Variants in PRIM2 observed in about 807,000 individuals in gnomAD.
The protein encoded by PRIM2 is DNA primase subunit 2.
PRIM2 carries 39 observed loss-of-function variants against 67.3 expected under a neutral mutation model. The observed-to-expected ratio is 0.58, with a 90% CI of 0.45 to 0.76. PRIM2 has a LOEUF of 0.76. Among genes scored for constraint, PRIM2 ranks in the 30% least tolerant of loss-of-function variants. The pLI, the probability that PRIM2 is intolerant of heterozygous loss-of-function variation, is 0.00. For missense variants in PRIM2, 398 were observed against 598.7 expected (o/e 0.66, Z 3.50); for synonymous variants, 143 against 198.7 (o/e 0.72, Z 2.36).
intron 10 of PRIM2, among the ~76,000 whole-genome samples, chr6:57,592,860 G>A (rs1436041223): frequency 2.0e-5 from 3 of 151,944 alleles, no homozygotes; most frequent in African/African-American, 7.3e-5. Context: ...TTTATTCTAA[G>A]GAAGACCGTG....
At chr6:57,373,298 T>C (rs2127325455) in intron 5 of PRIM2, among the ~76,000 whole-genome samples, 1 of 152,266 alleles carries the variant, frequency 6.6e-6, no homozygotes, top group African/African-American at 2.4e-5. Context: ...TTGTCCACTT[T>C]TTAATGTTTT....
intron 7 of PRIM2, among the ~76,000 whole-genome samples, chr6:57,448,451 A>G (rs897179567): frequency 2.0e-5 from 3 of 152,218 alleles, no homozygotes; most frequent in African/African-American, 7.2e-5. Context: ...CAGAGCCAAT[A>G]TGAGTGAGCA....
At chr6:57,538,594 A>G (rs1775067663) in intron 10 of PRIM2, among the ~76,000 whole-genome samples, 1 of 152,224 alleles carries the variant, frequency 6.6e-6, no homozygotes, top group South Asian at 2.1e-4. Flanking sequence ...GGTACATTTT[A>G]TAGTACTTTA....
chr6:57,562,306 G>A (rs1253887173), intron 10 of PRIM2, among the ~76,000 whole-genome samples: 11 of 152,330 alleles, frequency 7.2e-5, no homozygotes, highest in African/African-American at 1.4e-4. Context: ...AGACATGCTC[G>A]ATGCAGGGTT....
chr6:57,510,390 G>A (rs1774339701), intron 8 of PRIM2, among the ~76,000 whole-genome samples: 3 of 152,134 alleles, frequency 2.0e-5, no homozygotes, highest in African/African-American at 7.2e-5. Flanking sequence ...CTAAAGGGTA[G>A]AATCTAGCTT....
intron 8 of PRIM2, among the ~76,000 whole-genome samples, chr6:57,523,604 G>C (rs1441445636): frequency 1.3e-5 from 2 of 152,330 alleles, no homozygotes; most frequent in African/African-American, 4.8e-5. Flanking sequence ...CATTTTGTCA[G>C]TAATGCCCTG....
At chr6:57,345,427 A>G (rs9370581) in intron 5 of PRIM2, among the ~76,000 whole-genome samples, 62 of 148,840 alleles carry the variant, frequency 4.2e-4, no homozygotes, top group South Asian at 4.3e-4. Flanking sequence ...TCAGCCTCCC[A>G]AAGTTCTGGG....
rs780197785 is a variant in PRIM2, at chr6:57,325,972, G to T, written c.386G>T (p.Arg129Leu). The change falls in exon 5 of 14, where the codon CGA (arginine) becomes CTA (leucine). Residue 129 changes from arginine to leucine, a missense_variant. Arg to Leu is a moderately radical substitution (Grantham distance 102). Coordinates refer to ENST00000615550, the MANE Select transcript of PRIM2 (RefSeq NM_000947.5). ...WFIQQEMDLL[R>L]FRFSILPKDK... ...ATTCAACAAGAAATGGATCTCCTTCGATTTAGATTTAGTATTTTACCCAAG... is the reference window on the plus strand; with the variant it reads ...ATTCAACAAGAAATGGATCTCCTTCTATTTAGATTTAGTATTTTACCCAAG... 5 of 1,611,226 alleles carry T rather than the reference G, an allele frequency of 3.1e-6. No individual in the cohort carries two copies. Among genetic ancestry groups the T allele is most frequent in the African/African-American group, 2.7e-5 (2 of 74,804 alleles).
At chr6:57,311,809 C>T (rs1011740860), upstream of PRIM2, among the ~76,000 whole-genome samples, 1 of 152,064 alleles carries the variant, frequency 6.6e-6, no homozygotes, top group Non-Finnish European at 1.5e-5. Flanking sequence ...GGCAGATCAT[C>T]CGAGGCCAGG....
intron 7 of PRIM2, among the ~76,000 whole-genome samples, chr6:57,479,847 C>T (rs1372183777): frequency 1.6e-3 from 246 of 152,266 alleles, no homozygotes; most frequent in African/African-American, 5.4e-3. Context: ...TCACCAGCCG[C>T]GTGGTAGGCA....
the PRIM2 span, among the ~76,000 whole-genome samples, chr6:57,265,603 G>T: frequency 1.0e-3 from 153 of 152,266 alleles, no homozygotes; most frequent in Middle Eastern, 3.4e-3. Context: ...AATGCATTTA[G>T]TGATTTGATT....
chr6:57,279,586 C>A, the PRIM2 span, among the ~76,000 whole-genome samples: 1 of 152,074 alleles, frequency 6.6e-6, no homozygotes, highest in Admixed American at 6.6e-5. Context: ...CTCTTTGCAT[C>A]TAGGGATGTT....
chr6:57,622,077 A>G (rs1424911558), intron 12 of PRIM2, among the ~76,000 whole-genome samples: 2 of 152,106 alleles, frequency 1.3e-5, no homozygotes, highest in African/African-American at 4.8e-5. Context: ...AAGCCTCCCA[A>G]GTAGCTGGGA....
At chr6:57,529,085 T>A (rs2127467093) in intron 8 of PRIM2, among the ~76,000 whole-genome samples, 1 of 152,014 alleles carries the variant, frequency 6.6e-6, no homozygotes, top group African/African-American at 2.4e-5. Flanking sequence ...CCGAGGTGGG[T>A]GGATTACGAG....
chr6:57,632,677 C>T (rs1482073779), intron 13 of PRIM2, among the ~76,000 whole-genome samples: 1 of 152,364 alleles, frequency 6.6e-6, no homozygotes, highest in Middle Eastern at 3.4e-3. Flanking sequence ...GTTTGACCCA[C>T]GGGCCTTGAT....
At chr6:57,426,302 G>C (rs570343210) in intron 7 of PRIM2, among the ~76,000 whole-genome samples, 27 of 152,202 alleles carry the variant, frequency 1.8e-4, no homozygotes, top group South Asian at 1.0e-3. Flanking sequence ...GATTAGTTTT[G>C]CCTATTTTAG....
the PRIM2 span, among the ~76,000 whole-genome samples, chr6:57,237,630 A>G: frequency 6.6e-6 from 1 of 152,192 alleles, no homozygotes; most frequent in Non-Finnish European, 1.5e-5. Flanking sequence ...AGCTTTCTAC[A>G]TATGGCTAGC....
At chr6:57,261,491 A>G in the PRIM2 span, among the ~76,000 whole-genome samples, 1 of 152,236 alleles carries the variant, frequency 6.6e-6, no homozygotes, top group South Asian at 2.1e-4. Context: ...ACAAGGAAAA[A>G]GTAATTCTCT....
chr6:57,256,753 T>A, the PRIM2 span, among the ~76,000 whole-genome samples: 1 of 149,928 alleles, frequency 6.7e-6, no homozygotes, highest in African/African-American at 2.5e-5. Flanking sequence ...CATACACTCT[T>A]ACATCTTAGT....
Sources: gnomAD v4.1 joint callset for allele counts (sites outside exome capture counted in the v4.1 genomes callset) on GRCh38, gnomAD v4.1.1 for gene constraint, MANE v1.5 for transcripts, NCBI Gene and HGNC (gene_info 2026-07-23, HGNC 2026-07-21) for gene names.